NCOR1: variants seen among roughly 807,000 people sequenced by gnomAD.
The protein encoded by NCOR1 is protein phosphatase 1, regulatory subunit 109.
A neutral mutation model predicts 288.1 loss-of-function variants in NCOR1; 63 were observed. That is an observed-to-expected ratio of 0.22 (90% CI 0.18 to 0.27). The LOEUF is 0.27. Ranked by LOEUF, NCOR1 falls within the 10% of genes least tolerant of loss-of-function variation. The pLI, the probability that NCOR1 is intolerant of heterozygous loss-of-function variation, is 1.00. For synonymous variants in NCOR1, 1,007 were observed against 1,065.9 expected, an observed-to-expected ratio of 0.94 and a Z score of 1.08; for missense variants, 2,397 against 3,019.2, an observed-to-expected ratio of 0.79 and a Z score of 4.83.
rs766518675 is a variant in NCOR1, at chr17:16,032,262, T to G, written c.*34A>C. Reference sequence around the variant, plus strand: ...TTAAACCACAAAAACTAGAGATCCCTCTCCTGCACCCTGTTCCCCTCACTT... The same window carrying G: ...TTAAACCACAAAAACTAGAGATCCCGCTCCTGCACCCTGTTCCCCTCACTT... On this transcript the variant is annotated 3_prime_UTR_variant, in exon 46 of 46. Coordinates refer to ENST00000268712, the MANE Select transcript of NCOR1 (RefSeq NM_006311.4). 6.5e-7 allele frequency: 1 copy of G among 1,542,174 alleles called. No individual in the cohort carries two copies. Among genetic ancestry groups the G allele is most frequent in the Non-Finnish European group, 8.7e-7 (1 of 1,153,014 alleles).
chr17:16,041,417 T>TTTTTTC (rs1379472505), intron 42 of NCOR1: 60 of 149,054 alleles, frequency 4.0e-4, no homozygotes, highest in Non-Finnish European at 6.7e-4. Flanking sequence ...TTTTTTTTTT[T>TTTTTTC]TTTTTCCTTT....
intron 9 of NCOR1, among the ~76,000 whole-genome samples, chr17:16,146,935 G>GCAAC (rs1387428042): frequency 6.6e-6 from 1 of 152,058 alleles, no homozygotes; most frequent in African/African-American, 2.4e-5. Context: ...TTACCCAAAG[G>GCAAC]CAACCATATG....
chr17:16,154,564 A>G (rs1033248125), intron 6 of NCOR1, among the ~76,000 whole-genome samples: 1 of 152,208 alleles, frequency 6.6e-6, no homozygotes, highest in African/African-American at 2.4e-5. Flanking sequence ...GGGGCAACAT[A>G]GCGGGGTAAA....
intron 43 of NCOR1, 109 bp from the exon 44 acceptor site, chr17:16,039,763 C>G (rs761221659): frequency 2.9e-5 from 28 of 963,194 alleles, no homozygotes; most frequent in South Asian, 2.0e-4. Flanking sequence ...GGCAAGTGAC[C>G]TAGAACAATA....
chr17:16,109,967 C>T (rs910607365), intron 18 of NCOR1, among the ~76,000 whole-genome samples: 3 of 152,148 alleles, frequency 2.0e-5, no homozygotes, highest in South Asian at 2.1e-4. Flanking sequence ...CTCCTGACCT[C>T]GTGATCCACC....
chr17:16,076,221 ATTTAT>A (rs1428055403), intron 26 of NCOR1, among the ~76,000 whole-genome samples: 1 of 152,160 alleles, frequency 6.6e-6, no homozygotes, highest in African/African-American at 2.4e-5. Context: ...GGTGTTTTAT[ATTTAT>A]TTTAGACGAT....
At chr17:16,146,580 T>C in intron 9 of NCOR1, 32 bp from the exon 10 acceptor site, 1 of 1,530,140 alleles carries the variant, frequency 6.5e-7, no homozygotes, top group Non-Finnish European at 8.8e-7. Flanking sequence ...TTAATAATAA[T>C]TAAACTAAAC....
intron 16 of NCOR1, among the ~76,000 whole-genome samples, chr17:16,120,506 C>T (rs1397152510): frequency 6.6e-6 from 1 of 152,048 alleles, no homozygotes; most frequent in Admixed American, 6.6e-5. Flanking sequence ...GAATCATTAA[C>T]AGTGGTACTC....
intron 5 of NCOR1, among the ~76,000 whole-genome samples, chr17:16,162,464 A>T (rs1314046234): frequency 1.3e-5 from 2 of 151,234 alleles, no homozygotes; most frequent in African/African-American, 2.4e-5. Context: ...CAGATTTAAA[A>T]GGAAAAAAAA....
chr17:16,151,677 T>C (rs2078888112), intron 8 of NCOR1: 7 of 1,321,682 alleles, frequency 5.3e-6, no homozygotes, highest in Non-Finnish European at 6.2e-6. Context: ...CATTTCAATG[T>C]TAAGTATCCA....
chr17:16,211,877 G>C (rs1330341755), intron 1 of NCOR1, among the ~76,000 whole-genome samples: 1 of 152,120 alleles, frequency 6.6e-6, no homozygotes, highest in Non-Finnish European at 1.5e-5. Context: ...TAGTTTTCCA[G>C]TGCTCTTAAA....
intron 45 of NCOR1, 62 bp downstream of exon 45, chr17:16,034,703 A>G (rs538438029): frequency 5.3e-5 from 75 of 1,421,008 alleles, no homozygotes; most frequent in Non-Finnish European, 6.6e-5. Flanking sequence ...TTGAAGAACT[A>G]ATAACCAAGA....
At chr17:16,084,635 C>T (rs1386036255) in intron 23 of NCOR1, among the ~76,000 whole-genome samples, 4 of 152,176 alleles carry the variant, frequency 2.6e-5, no homozygotes, top group African/African-American at 9.7e-5. Flanking sequence ...ATCAGTGGAA[C>T]AGCATGGAGA....
At chr17:16,215,168 C>T (rs2092447474) in intron 1 of NCOR1, among the ~76,000 whole-genome samples, 194 bp downstream of exon 1, 1 of 152,202 alleles carries the variant, frequency 6.6e-6, no homozygotes, top group South Asian at 2.1e-4. Flanking sequence ...AGCTCCCCGC[C>T]GCGCCCGGCT....
At position 16,064,192 on chromosome 17, in the gene NCOR1, A is replaced by G; in HGVS notation, c.5102-5T>C. The G allele has an allele frequency of 6.2e-7, 1 of 1,612,282 alleles. No homozygotes were observed. The highest frequency in any genetic ancestry group is 8.5e-7 in the Non-Finnish European group (1 of 1,178,994). On this transcript the variant is annotated splice_region_variant and splice_polypyrimidine_tract_variant and intron_variant, in intron 34 of 45. Coordinates refer to ENST00000268712, the MANE Select transcript of NCOR1 (RefSeq NM_006311.4). ...CTGCAAGGTGTGTTGGGTGTCCTGT[A>G]AAACATAAACCTGCAGCTTAAAGAT...
At chr17:16,142,301 T>A (rs76725410) in intron 11 of NCOR1, among the ~76,000 whole-genome samples, 1,653 of 152,294 alleles carry the variant, frequency 0.011, 34 homozygotes, top group African/African-American at 0.037. Flanking sequence ...ATTTTGCAAA[T>A]CGAGTATTAA....
chr17:16,109,090 A>G (rs1006089453), intron 18 of NCOR1, among the ~76,000 whole-genome samples, 178 bp from the exon 19 acceptor site: 1 of 152,114 alleles, frequency 6.6e-6, no homozygotes, highest in African/African-American at 2.4e-5. Context: ...TAACTGGCCA[A>G]ATTTTGTGTA....
intron 10 of NCOR1, among the ~76,000 whole-genome samples, chr17:16,144,914 C>G (rs1196941023): frequency 6.6e-6 from 1 of 151,436 alleles, no homozygotes; most frequent in Non-Finnish European, 1.5e-5. Flanking sequence ...TCTCCCCTCT[C>G]CCTCTCCCTC....
In NCOR1 at chr17:16,126,145, T is replaced by C. The variant is rs1208499064; in HGVS notation, c.1571A>G (p.Lys524Arg). 1 of 1,574,270 alleles carries C rather than the reference T, an allele frequency of 6.4e-7. No individual in the cohort carries two copies. Among genetic ancestry groups the C allele is most frequent in the South Asian group, 1.2e-5 (1 of 82,748 alleles). ...VEEKEEDKAEKTEKKEEEKKD... is the reference protein window; with the variant it reads ...VEEKEEDKAERTEKKEEEKKD... ...CTTTTCTTCTTCTTTTTTTTCTGTT[T>C]TTTCTGCTTTATCCTCTTCTTTTTC... Residue 524 changes from lysine (K) to arginine (R), a missense_variant, in exon 15 of 46, where the codon AAA becomes AGA. Around this residue, in one of 11 missense-constraint regions of NCOR1, gnomAD observed 113 missense variants for 139.5 expected, o/e 0.81. Coordinates refer to ENST00000268712, the MANE Select transcript of NCOR1 (RefSeq NM_006311.4).
Sources: gnomAD v4.1 joint callset for allele counts (sites outside exome capture counted in the v4.1 genomes callset) on GRCh38, gnomAD v4.1.1 for gene constraint, gnomAD v4.1.1 regional missense constraint, MANE v1.5 for transcripts, NCBI Gene and HGNC (gene_info 2026-07-23, HGNC 2026-07-21) for gene names.